Variants in MSR1 observed in about 807,000 individuals in gnomAD.
MSR1 encodes macrophage scavenger receptor 1.
MSR1 carries 53 observed loss-of-function variants against 47.2 expected under a neutral mutation model. The observed-to-expected ratio is 1.12, with a 90% confidence interval of 0.90 to 1.41. The LOEUF is 1.41. Ranked by LOEUF, MSR1 falls within the 40% of genes most tolerant of loss-of-function variation. The pLI is 0.00. For synonymous variants in MSR1, 239 were observed against 185.6 expected (o/e 1.29, Z -2.34); for missense variants, 786 against 546.9 (o/e 1.44, Z -4.36).
At chr8:16,166,466 G>A (rs1283519482) in intron 4 of MSR1, among the ~76,000 whole-genome samples, 1 of 151,712 alleles carries the variant, frequency 6.6e-6, no homozygotes, top group East Asian at 1.9e-4. Flanking sequence ...TGGCAGCTGA[G>A]GCTGCCTTAT....
rs950710420 is a variant in MSR1 at position 16,161,976 on chromosome 8, G to A, written c.817+2089C>T. On this transcript the variant is annotated intron_variant, in intron 5 of 9. Coordinates refer to ENST00000262101, the MANE Select transcript of MSR1 (RefSeq NM_138715.3). Reference sequence around the variant, plus strand: ...AAGCTGGAATGAGAACATCCAATATGAATTTCATGTAAGTTACAGAGGAAA... The same window carrying A: ...AAGCTGGAATGAGAACATCCAATATAAATTTCATGTAAGTTACAGAGGAAA... 2.0e-5 allele frequency among the ~76,000 whole-genome samples: 3 copies of A among 151,924 alleles called. No homozygotes were observed. The South Asian group carries it at 6.2e-4, about 32-fold the overall frequency.
At chr8:16,117,941 C>T (rs1435007649) in intron 9 of MSR1, among the ~76,000 whole-genome samples, 1 of 152,126 alleles carries the variant, frequency 6.6e-6, no homozygotes, top group Non-Finnish European at 1.5e-5. Flanking sequence ...GAACCATCCC[C>T]AAACCTTCTC....
chr8:16,187,940 G>A (rs80023501), intron 1 of MSR1, among the ~76,000 whole-genome samples: 97 of 152,186 alleles, frequency 6.4e-4, no homozygotes, highest in Middle Eastern at 3.4e-3. Context: ...TTAGTAACGT[G>A]AACATACATA....
At chr8:16,165,477 G>C (rs946244545) in intron 4 of MSR1, among the ~76,000 whole-genome samples, 1 of 151,786 alleles carries the variant, frequency 6.6e-6, no homozygotes, top group African/African-American at 2.4e-5. Flanking sequence ...TTTTATTTTT[G>C]ATGAACCAAA....
At chr8:16,159,083 T>C (rs1466095099) in intron 5 of MSR1, among the ~76,000 whole-genome samples, 5 of 151,720 alleles carry the variant, frequency 3.3e-5, no homozygotes, top group Admixed American at 2.0e-4. Flanking sequence ...ATTACAGGCA[T>C]GAGCCACCAC....
At chr8:16,145,883 G>T (rs1424672662) in intron 7 of MSR1, among the ~76,000 whole-genome samples, 1 of 152,082 alleles carries the variant, frequency 6.6e-6, no homozygotes, top group East Asian at 1.9e-4. Flanking sequence ...GAATGCAAGG[G>T]CTTGGTCCAA....
intron 5 of MSR1, among the ~76,000 whole-genome samples, chr8:16,155,447 A>G (rs1800979373): frequency 6.6e-6 from 1 of 152,048 alleles, no homozygotes; most frequent in South Asian, 2.1e-4. Flanking sequence ...GCAGGCTGGC[A>G]CAAAGTCACA....
intron 9 of MSR1, among the ~76,000 whole-genome samples, chr8:16,111,871 G>A (rs138982456): frequency 1.7e-3 from 259 of 152,252 alleles, no homozygotes; most frequent in African/African-American, 6.0e-3. Context: ...AAGTCGCACA[G>A]GATTCTCACC....
At chr8:16,186,166 T>C (rs1034512795) in intron 1 of MSR1, 1 of 1,535,038 alleles carries the variant, frequency 6.5e-7, no homozygotes, top group Non-Finnish European at 8.7e-7. Flanking sequence ...CACGGTTTTT[T>C]GTTGAGAAGA....
At chr8:16,174,030 C>A (rs351566) in intron 3 of MSR1, among the ~76,000 whole-genome samples, 149,896 of 152,310 alleles carry the variant, frequency 0.98, 73,811 homozygotes, top group Non-Finnish European at 1. Flanking sequence ...CAGAGTAACT[C>A]GGGTTCGGAA....
At chr8:16,179,211 G>T (rs1478961913) in intron 1 of MSR1, among the ~76,000 whole-genome samples, 1 of 152,098 alleles carries the variant, frequency 6.6e-6, no homozygotes, top group African/African-American at 2.4e-5. Flanking sequence ...GTAAAAGGAA[G>T]GAAATAAAGA....
intron 7 of MSR1, among the ~76,000 whole-genome samples, chr8:16,145,441 A>T (rs1330509763): frequency 1.3e-5 from 2 of 152,100 alleles, no homozygotes; most frequent in African/African-American, 4.8e-5. Flanking sequence ...AAGCAAGCTT[A>T]ATTTCATTAT....
At chr8:16,163,937 A>T in intron 5 of MSR1, 128 bp downstream of exon 5, 3 of 688,968 alleles carry the variant, frequency 4.4e-6, no homozygotes, top group Non-Finnish European at 4.5e-6. Flanking sequence ...TCCTTTGGGT[A>T]TTTGCAGTAA....
At chr8:16,129,451 A>C (rs1800204085) in intron 8 of MSR1, among the ~76,000 whole-genome samples, 1 of 152,120 alleles carries the variant, frequency 6.6e-6, no homozygotes, top group Admixed American at 6.5e-5. Flanking sequence ...ATCTCGTCTT[A>C]AGATTCACCT....
At chr8:16,142,636 G>A (rs1165354592) in intron 8 of MSR1, among the ~76,000 whole-genome samples, 1 of 152,020 alleles carries the variant, frequency 6.6e-6, no homozygotes, top group African/African-American at 2.4e-5. Flanking sequence ...AGGTTTTGTA[G>A]GGCAGATAAA....
intron 1 of MSR1, among the ~76,000 whole-genome samples, chr8:16,185,249 G>T (rs2117232123): frequency 6.6e-6 from 1 of 152,046 alleles, no homozygotes; most frequent in East Asian, 1.9e-4. Context: ...AGTCTGCACA[G>T]TCTCTCTGAG....
chr8:16,189,412 TA>T (rs1378362838), intron 1 of MSR1, among the ~76,000 whole-genome samples: 4 of 92,226 alleles, frequency 4.3e-5, no homozygotes, highest in South Asian at 3.1e-4. Flanking sequence ...ATTTTATATA[TA>T]TTTTATATAT....
chr8:16,111,429 T>C (rs962300797), intron 9 of MSR1, among the ~76,000 whole-genome samples: 1 of 152,198 alleles, frequency 6.6e-6, no homozygotes, highest in Non-Finnish European at 1.5e-5. Flanking sequence ...GCTACTGTGA[T>C]GCTTTCGAAT....
At chr8:16,178,387 G>C (rs983052820) in intron 1 of MSR1, among the ~76,000 whole-genome samples, 1 of 151,946 alleles carries the variant, frequency 6.6e-6, no homozygotes, top group African/African-American at 2.4e-5. Flanking sequence ...AGTTTGCTGA[G>C]AATGATGGTT....
Sources: allele counts gnomAD v4.1 joint callset (sites outside exome capture counted in the v4.1 genomes callset), GRCh38; gene constraint gnomAD v4.1.1; transcripts MANE v1.5; gene names NCBI Gene and HGNC (gene_info 2026-07-23, HGNC 2026-07-21).